The following EYS variants were observed in gnomAD, a reference collection of about 807,000 sequenced individuals.
EYS encodes the protein protein eyes shut homolog.
A neutral mutation model predicts 282.1 loss-of-function variants in EYS; 250 were observed. The ratio of observed to expected loss-of-function variants is 0.89; its 90% CI spans 0.80 to 0.98. EYS has a LOEUF of 0.98. Ranked by LOEUF, EYS falls within the 50% of genes least tolerant of loss-of-function variation. EYS has a pLI of 0.00. For missense variants in EYS, 4,016 were observed against 3,709.0 expected, an observed-to-expected ratio of 1.08 and a Z score of -2.15; for synonymous variants, 1,355 against 1,282.9, an observed-to-expected ratio of 1.06 and a Z score of -1.20.
rs1213885801 is a variant in EYS, at chr6:64,222,365, ACC to A, written c.6424+8225_6424+8226del. On this transcript the variant is annotated intron_variant, in intron 31 of 42. Transcript: ENST00000503581. Reference sequence around the variant, plus strand: ...ATGTCTGAAAATGAATTTCCCAGAGACCACACGTTTTGTTCTTAATTATCTCT... The same window carrying A: ...ATGTCTGAAAATGAATTTCCCAGAGAACACGTTTTGTTCTTAATTATCTCT... Among the ~76,000 whole-genome samples, 157 of 152,158 alleles carry A rather than the reference ACC, an allele frequency of 1.0e-3. 1 individual carries two copies. Among genetic ancestry groups the A allele is most frequent in the African/African-American group, 3.4e-3 (143 of 41,556 alleles).
At chr6:64,987,496 G>A (rs575972671) in intron 14 of EYS, among the ~76,000 whole-genome samples, 129 of 151,592 alleles carry the variant, frequency 8.5e-4, no homozygotes, top group Middle Eastern at 3.4e-3. Context: ...GTATTGTAGA[G>A]ACTCTGAAAT....
chr6:64,999,056 T>C (rs1335911539), intron 13 of EYS, among the ~76,000 whole-genome samples: 1 of 152,112 alleles, frequency 6.6e-6, no homozygotes, highest in Non-Finnish European at 1.5e-5. Context: ...GTTAAAAAAA[T>C]AAAGCATGCT....
At chr6:64,594,143 T>G (rs1342437734) in intron 24 of EYS, among the ~76,000 whole-genome samples, 4 of 152,192 alleles carry the variant, frequency 2.6e-5, no homozygotes, top group Non-Finnish European at 4.4e-5. Context: ...GGGTGGTGGT[T>G]GTTTCACAGT....
chr6:63,784,756 T>G (rs1363329058), intron 39 of EYS, among the ~76,000 whole-genome samples: 1 of 152,174 alleles, frequency 6.6e-6, no homozygotes, highest in African/African-American at 2.4e-5. Flanking sequence ...ACATGACATT[T>G]GGGCAGGAAC....
At chr6:64,342,450 A>G (rs917019746) in intron 29 of EYS, among the ~76,000 whole-genome samples, 3 of 152,000 alleles carry the variant, frequency 2.0e-5, no homozygotes, top group Non-Finnish European at 2.9e-5. Context: ...CTAGAATTTC[A>G]TATCCAGACA....
chr6:65,265,892 TG>T (rs1469253339), intron 12 of EYS, among the ~76,000 whole-genome samples: 6 of 151,938 alleles, frequency 3.9e-5, no homozygotes, highest in Admixed American at 2.0e-4. Context: ...CTTAACTTAC[TG>T]GGTGTTTTGA....
At chr6:65,435,763 AG>A (rs1296402930) in intron 5 of EYS, among the ~76,000 whole-genome samples, 7 of 152,260 alleles carry the variant, frequency 4.6e-5, no homozygotes, top group East Asian at 3.9e-4. Flanking sequence ...ATTTTTACAT[AG>A]GGCCTTTAAT....
At chr6:64,018,765 T>TC (rs1769021187) in intron 33 of EYS, among the ~76,000 whole-genome samples, 2 of 107,340 alleles carry the variant, frequency 1.9e-5, no homozygotes, top group South Asian at 7.0e-4. Context: ...AAGTGTTTTT[T>TC]TTTTTTTTTT....
chr6:64,986,743 T>A (rs1416857133), intron 14 of EYS, among the ~76,000 whole-genome samples: 2 of 151,280 alleles, frequency 1.3e-5, no homozygotes, highest in Non-Finnish European at 3.0e-5. Context: ...TACTATTAAT[T>A]TTAAATTTTA....
intron 36 of EYS, among the ~76,000 whole-genome samples, chr6:63,852,050 G>A (rs1281456181): frequency 6.7e-6 from 1 of 149,814 alleles, no homozygotes; most frequent in African/African-American, 2.5e-5. Flanking sequence ...CCAGCTACTT[G>A]GGAGGCTGAG....
chr6:64,772,043 G>GA (rs1321731160), intron 22 of EYS, among the ~76,000 whole-genome samples: 2 of 151,602 alleles, frequency 1.3e-5, no homozygotes, highest in Admixed American at 6.6e-5. Flanking sequence ...TCATTTAGTA[G>GA]TTTTTCACAT....
rs543348832 is a variant in EYS, at chr6:63,969,383, G to A, written c.7055+15000C>T. Among the ~76,000 whole-genome samples the A allele has an allele frequency of 2.3e-4, 35 of 152,234 alleles. 1 individual carries two copies. The highest frequency in any genetic ancestry group is 1.5e-3 in the South Asian group (7 of 4,826). ...TTCCTAACCCGGCTTTTATGAATTT[G>A]CATTTAAAAAAGAGCATGAGGAATT... On this transcript the variant is annotated intron_variant, in intron 35 of 42. Coordinates refer to ENST00000503581, the MANE Select transcript of EYS (RefSeq NM_001142800.2).
chr6:65,656,395 T>C (rs552758655), intron 1 of EYS, among the ~76,000 whole-genome samples: 1 of 151,984 alleles, frequency 6.6e-6, no homozygotes, highest in South Asian at 2.1e-4. Flanking sequence ...AAGTTATGAA[T>C]GCAAAGCGGA....
At chr6:65,485,004 C>G in intron 5 of EYS, among the ~76,000 whole-genome samples, 1 of 152,170 alleles carries the variant, frequency 6.6e-6, no homozygotes, top group East Asian at 1.9e-4. Flanking sequence ...CTATCTAACT[C>G]TTTACAGAAA....
chr6:64,151,144 T>A (rs543888472), intron 31 of EYS, among the ~76,000 whole-genome samples: 2 of 151,142 alleles, frequency 1.3e-5, no homozygotes, highest in Non-Finnish European at 2.9e-5. Context: ...GGTCTATAAG[T>A]AGGAGGATGG....
At chr6:64,283,683 C>T (rs1011613751) in intron 30 of EYS, among the ~76,000 whole-genome samples, 1 of 152,120 alleles carries the variant, frequency 6.6e-6, no homozygotes, top group African/African-American at 2.4e-5. Flanking sequence ...TTTCATGCTG[C>T]TGATAAAGAC....
intron 19 of EYS, among the ~76,000 whole-genome samples, chr6:64,850,291 G>A (rs1315421972): frequency 6.6e-6 from 1 of 151,994 alleles, no homozygotes. Context: ...CCCAGCCTTT[G>A]AAGTCAAACA....
rs527236068 is a variant in EYS at position 64,081,870 on chromosome 6, C to T, written c.6557G>A (p.Gly2186Glu). 1.5e-5 allele frequency: 23 copies of T among 1,532,154 alleles called. No homozygotes were observed. In the East Asian group the frequency reaches 5.4e-4, roughly 36 times the overall value. The allele number at this position is 1,532,154 out of a possible 1,614,324, so 94.9% of individuals were successfully genotyped here. A position where few individuals can be genotyped will look rare whatever the true frequency, so the allele number is the denominator to read the frequency against. ...TTAATACTCACTGTAAAGAATAGTT[C>T]CATTTAAACTGTTTGTTTTTATAGT... ...YLTIKTNSLN[G>E]TILYSNGNNC... The change falls in exon 32 of 43, where the codon GGA (glycine) becomes GAA (glutamate). Residue 2186 changes from glycine (G) to glutamate (E), a missense_variant. By Grantham distance (98) the Gly-to-Glu change is moderately conservative. Transcript: ENST00000503581.
rs1766351093 is a variant in EYS, at chr6:65,397,988, T to C, written c.1184+4490A>G. ...ATGGCATCTCACTGTGGTTTTAATT[T>C]GTATTTATCTGATGATTAAAGATGT... On this transcript the variant is annotated intron_variant, in intron 7 of 42. Transcript: ENST00000503581. Among the ~76,000 whole-genome samples the C allele has an allele frequency of 2.6e-5, 4 of 152,230 alleles. No homozygotes were observed. The South Asian group carries it at 6.2e-4, about 24-fold the overall frequency.
Sources: allele counts gnomAD v4.1 joint callset (sites outside exome capture counted in the v4.1 genomes callset), GRCh38; gene constraint gnomAD v4.1.1; transcripts MANE v1.5; gene names NCBI Gene and HGNC (gene_info 2026-07-23, HGNC 2026-07-21).